Variants in COL14A1 observed in about 807,000 individuals in gnomAD.
COL14A1 encodes collagen alpha-1(XIV) chain.
A neutral mutation model predicts 230.3 loss-of-function variants in COL14A1; 136 were observed. The observed-to-expected ratio is 0.59, with a 90% confidence interval of 0.51 to 0.68. The LOEUF (loss-of-function observed/expected upper bound fraction) is 0.68, where lower values mean the gene tolerates loss of function less well. Among genes scored for constraint, COL14A1 ranks in the 30% least tolerant of loss-of-function variants. The pLI, the probability that COL14A1 is intolerant of heterozygous loss-of-function variation, is 0.00. For missense variants in COL14A1, 1,976 were observed against 2,215.8 expected, an observed-to-expected ratio of 0.89 and a Z score of 2.17; for synonymous variants, 792 against 784.1, an observed-to-expected ratio of 1.01 and a Z score of -0.17.
intron 45 of COL14A1, among the ~76,000 whole-genome samples, chr8:120,366,205 A>G (rs1489325780): frequency 6.6e-6 from 1 of 152,268 alleles, no homozygotes; most frequent in Non-Finnish European, 1.5e-5. Context: ...TATTTAAAGT[A>G]AACAAATAGT....
chr8:120,271,431 G>A (rs1336802092), intron 26 of COL14A1, among the ~76,000 whole-genome samples: 1 of 151,492 alleles, frequency 6.6e-6, no homozygotes, highest in Non-Finnish European at 1.5e-5. Context: ...AAACAGGCAA[G>A]CAAATAGATT....
chr8:120,199,625 C>A (rs1817163187), intron 8 of COL14A1, 59 bp downstream of exon 8: 1 of 1,520,192 alleles, frequency 6.6e-7, no homozygotes, highest in Admixed American at 2.1e-5. Flanking sequence ...CCACTTAAAA[C>A]AATATGTAAT....
At chr8:120,358,436 C>T (rs1178927135) in intron 45 of COL14A1, among the ~76,000 whole-genome samples, 1 of 151,764 alleles carries the variant, frequency 6.6e-6, no homozygotes, top group Non-Finnish European at 1.5e-5. Context: ...TGTTGATAAC[C>T]TCTTGGCTAG....
chr8:120,216,205 AC>A lies in COL14A1; in HGVS notation c.1598-145del, dbSNP rs550149896. 5,459 of 643,406 alleles carry A rather than the reference AC, an allele frequency of 8.5e-3. 34 individuals are homozygous for A. Among genetic ancestry groups the A allele is most frequent in the Non-Finnish European group, 0.012 (4,707 of 392,528 alleles). 39.9% of individuals were successfully genotyped at this position (643,406 alleles called of 1,614,324 possible). A position where few individuals can be genotyped will look rare whatever the true frequency, so the allele number is the denominator to read the frequency against. On this transcript the variant is annotated intron_variant, in intron 13 of 47. Coordinates refer to ENST00000297848, the MANE Select transcript of COL14A1 (RefSeq NM_021110.4). Reference sequence around the variant, plus strand: ...AGAGAACATTATTGATTTTTATGAGACAATACACTGGTTATTTCAGTGTTAT... The same window carrying A: ...AGAGAACATTATTGATTTTTATGAGAAATACACTGGTTATTTCAGTGTTAT...
At chr8:120,190,938 C>G (rs1816802733) in intron 5 of COL14A1, among the ~76,000 whole-genome samples, 1 of 149,112 alleles carries the variant, frequency 6.7e-6, no homozygotes, top group East Asian at 2.0e-4. Context: ...TCTCTCTTTT[C>G]TTCTTTATTA....
chr8:120,274,046 A>G (rs1421770480), intron 26 of COL14A1, among the ~76,000 whole-genome samples: 2 of 151,912 alleles, frequency 1.3e-5, no homozygotes, highest in Non-Finnish European at 2.9e-5. Flanking sequence ...TTACATGCCA[A>G]CATCCCTTGT....
intron 34 of COL14A1, among the ~76,000 whole-genome samples, chr8:120,291,939 A>C (rs1006283678): frequency 6.6e-6 from 1 of 152,132 alleles, no homozygotes; most frequent in Admixed American, 6.6e-5. Context: ...GTGTCTACTC[A>C]ATACTGATGA....
chr8:120,159,438 T>TATACATATACATATACATA, intron 3 of COL14A1, among the ~76,000 whole-genome samples: 2 of 152,184 alleles, frequency 1.3e-5, no homozygotes, highest in Admixed American at 6.5e-5. Flanking sequence ...TAATACATAT[T>TATACATATACATATACATA]TGTATAATAT....
intron 1 of COL14A1, among the ~76,000 whole-genome samples, chr8:120,143,292 G>T (rs1433586402): frequency 6.6e-6 from 1 of 152,172 alleles, no homozygotes; most frequent in African/African-American, 2.4e-5. Flanking sequence ...CAGCATCCAG[G>T]ACTGGGGGAA....
chr8:120,339,933 G>C (rs1245451193), intron 42 of COL14A1, among the ~76,000 whole-genome samples: 1 of 151,794 alleles, frequency 6.6e-6, no homozygotes, highest in African/African-American at 2.4e-5. Flanking sequence ...AGCTACTCAG[G>C]AGGCTGAGGC....
intron 36 of COL14A1, among the ~76,000 whole-genome samples, chr8:120,305,092 C>A (rs1418141141): frequency 6.6e-6 from 1 of 151,926 alleles, no homozygotes; most frequent in Non-Finnish European, 1.5e-5. Flanking sequence ...GATTCTCCTG[C>A]CTCAGCCTCC....
At chr8:120,346,192 G>C (rs1223865626) in intron 45 of COL14A1, among the ~76,000 whole-genome samples, 7 of 150,464 alleles carry the variant, frequency 4.7e-5, no homozygotes, top group Admixed American at 4.7e-4. Context: ...TCCCACTAAA[G>C]TTTCCTTAAA....
intron 19 of COL14A1, chr8:120,232,036 A>C (rs1818288446): frequency 6.4e-6 from 1 of 155,812 alleles, no homozygotes; most frequent in Non-Finnish European, 1.4e-5. Flanking sequence ...AGGACACAGA[A>C]AAGGTCTTCT....
At position 120,166,733 on chromosome 8, in the gene COL14A1, A is replaced by G. The variant is rs186602224; in HGVS notation, c.350-1428A>G. ...GGTAAAATTACAGGAGGGTGTAGAG[A>G]GACACAAGGCAACCTTAGTATATGA... is the stretch of plus-strand genomic sequence containing the variant. On this transcript the variant is annotated intron_variant, in intron 4 of 47. Transcript: ENST00000297848. Among the ~76,000 whole-genome samples the G allele has an allele frequency of 1.3e-3, 205 of 152,286 alleles. 1 individual carries two copies. The highest frequency in any genetic ancestry group is 2.2e-3 in the Non-Finnish European group (149 of 68,012).
chr8:120,330,769 C>A (rs899176894), intron 40 of COL14A1, among the ~76,000 whole-genome samples: 5 of 152,120 alleles, frequency 3.3e-5, no homozygotes, highest in Admixed American at 3.3e-4. Flanking sequence ...TTATTTGACA[C>A]CTTGAGGTAG....
intron 24 of COL14A1, among the ~76,000 whole-genome samples, chr8:120,264,376 A>G (rs1037399135): frequency 6.6e-5 from 10 of 152,182 alleles, no homozygotes; most frequent in African/African-American, 2.2e-4. Context: ...CTGATAGTAC[A>G]CAAGACTTAG....
At position 120,206,918 on chromosome 8, in the gene COL14A1, T is replaced by A. The variant is rs1412224658; in HGVS notation, c.1040-25T>A. The A allele has an allele frequency of 5.1e-6, 8 of 1,582,858 alleles. No individual in the cohort carries two copies. The Admixed American group carries it at 1.5e-4, about 30-fold the overall frequency. On this transcript the variant is annotated intron_variant, in intron 9 of 47. Transcript: ENST00000297848. ...AAGAAATAACTTTGGGTAAGAGGTT[T>A]ATTTGATATGTTTTTTTAATTTAGC...
intron 42 of COL14A1, 51 bp from the exon 43 acceptor site, chr8:120,341,274 C>T (rs750304779): frequency 6.4e-7 from 1 of 1,568,782 alleles, no homozygotes; most frequent in Non-Finnish European, 8.8e-7. Flanking sequence ...GATTATCACT[C>T]TTAGCTAAGT....
At chr8:120,186,900 G>T (rs372003204) in intron 5 of COL14A1, among the ~76,000 whole-genome samples, 1 of 152,284 alleles carries the variant, frequency 6.6e-6, no homozygotes, top group East Asian at 1.9e-4. Flanking sequence ...AGTCTAGTCA[G>T]GCAGATAGAA....
Sources: gnomAD v4.1 joint callset for allele counts (sites outside exome capture counted in the v4.1 genomes callset) on GRCh38, gnomAD v4.1.1 for gene constraint, MANE v1.5 for transcripts, NCBI Gene and HGNC (gene_info 2026-07-23, HGNC 2026-07-21) for gene names.